The following COL26A1 variants were observed in gnomAD, a reference collection of about 807,000 sequenced individuals.
COL26A1 encodes the protein collagen alpha-1(XXVI) chain.
In COL26A1, 41 loss-of-function variants were observed where a neutral mutation model predicts 59.3. The observed-to-expected ratio is 0.69, with a 90% CI of 0.54 to 0.90. The LOEUF (loss-of-function observed/expected upper bound fraction) is 0.90, where lower values mean the gene tolerates loss of function less well. Ranked by LOEUF, COL26A1 falls within the 40% of genes least tolerant of loss-of-function variation. The probability of loss-of-function intolerance (pLI) is 0.00; values close to 1 mark genes in which losing one functional copy is unlikely to be tolerated. For synonymous variants in COL26A1, 266 were observed against 256.0 expected (o/e 1.04, Z -0.37); for missense variants, 612 against 602.3 (o/e 1.02, Z -0.17).
intron 2 of COL26A1, among the ~76,000 whole-genome samples, chr7:101,435,232 G>A (rs1792886941): frequency 6.6e-6 from 1 of 152,170 alleles, no homozygotes; most frequent in South Asian, 2.1e-4. Context: ...GACAGAAGAC[G>A]TGCTCAAACC....
intron 1 of COL26A1, among the ~76,000 whole-genome samples, chr7:101,391,549 G>A (rs1305658435): frequency 6.6e-6 from 1 of 152,044 alleles, no homozygotes; most frequent in East Asian, 1.9e-4. Flanking sequence ...CTCTGCATTT[G>A]GACCCTATTT....
intron 3 of COL26A1, among the ~76,000 whole-genome samples, chr7:101,463,325 A>G (rs7802156): frequency 0.31 from 46,823 of 152,078 alleles, 10,727 homozygotes; most frequent in African/African-American, 0.65. Context: ...AGATTCATCC[A>G]TGTAGCAAGG....
chr7:101,469,757 T>TG (rs1273232231), intron 3 of COL26A1, among the ~76,000 whole-genome samples: 1 of 152,122 alleles, frequency 6.6e-6, no homozygotes, highest in Non-Finnish European at 1.5e-5. Context: ...CCCAAAGTGA[T>TG]GGGATTACAG....
At chr7:101,513,169 G>C (rs1794961330) in intron 3 of COL26A1, among the ~76,000 whole-genome samples, 2 of 151,326 alleles carry the variant, frequency 1.3e-5, no homozygotes, top group South Asian at 4.2e-4. Context: ...ACCACACCCG[G>C]CTAATTTTTT....
intron 2 of COL26A1, among the ~76,000 whole-genome samples, chr7:101,438,136 C>T (rs62463419): frequency 0.18 from 27,085 of 151,070 alleles, 3,650 homozygotes; most frequent in Non-Finnish European, 0.25. Context: ...CCGAGGCGGG[C>T]GGATCACCTG....
intron 2 of COL26A1, among the ~76,000 whole-genome samples, chr7:101,445,850 G>C (rs1025247558): frequency 5.3e-5 from 8 of 151,138 alleles, no homozygotes; most frequent in Non-Finnish European, 8.8e-5. Context: ...GAGATCAAGA[G>C]CATCCTGGCC....
chr7:101,403,846 A>G (rs1792068855), intron 1 of COL26A1, among the ~76,000 whole-genome samples: 1 of 152,242 alleles, frequency 6.6e-6, no homozygotes, highest in South Asian at 2.1e-4. Flanking sequence ...CTGTAATCCC[A>G]GCACTTTGGG....
intron 1 of COL26A1, among the ~76,000 whole-genome samples, chr7:101,372,179 T>C (rs1387097089): frequency 1.3e-5 from 2 of 152,140 alleles, no homozygotes; most frequent in East Asian, 3.9e-4. Context: ...AGCATTTTGT[T>C]TTTTGAGACG....
At chr7:101,465,468 C>T (rs1395073340) in intron 3 of COL26A1, among the ~76,000 whole-genome samples, 5 of 152,020 alleles carry the variant, frequency 3.3e-5, no homozygotes, top group African/African-American at 1.2e-4. Flanking sequence ...AGGTGTGAGC[C>T]ACTGCGCCTG....
intron 1 of COL26A1, among the ~76,000 whole-genome samples, chr7:101,414,660 C>G (rs547151487): frequency 6.6e-6 from 1 of 152,284 alleles, no homozygotes; most frequent in South Asian, 2.1e-4. Context: ...TGATCTCAAA[C>G]TCCTGACCTC....
intron 1 of COL26A1, among the ~76,000 whole-genome samples, chr7:101,394,869 C>CTTTTTTT (rs61005447): frequency 3.8e-4 from 37 of 97,032 alleles, no homozygotes; most frequent in Admixed American, 6.8e-4. Flanking sequence ...TTTTTCTTTT[C>CTTTTTTT]TTTTTTTTTT....
chr7:101,380,905 T>C (rs10254516), intron 1 of COL26A1, among the ~76,000 whole-genome samples: 9,336 of 152,268 alleles, frequency 0.061, 656 homozygotes, highest in African/African-American at 0.16. Flanking sequence ...TTCCCAGAGA[T>C]GGCAAATTCT....
intron 9 of COL26A1, among the ~76,000 whole-genome samples, chr7:101,550,562 G>C (rs951719451): frequency 7.2e-5 from 11 of 152,242 alleles, no homozygotes; most frequent in African/African-American, 2.7e-4. Flanking sequence ...AGGGAAGGCT[G>C]TAGTTTCACT....
intron 1 of COL26A1, among the ~76,000 whole-genome samples, chr7:101,416,721 A>G (rs1406798166): frequency 7.0e-6 from 1 of 143,224 alleles, no homozygotes; most frequent in Non-Finnish European, 1.6e-5. Context: ...TTCTAAGATA[A>G]TGCATTTTTT....
chr7:101,487,345 G>T (rs1794290718), intron 3 of COL26A1, among the ~76,000 whole-genome samples: 1 of 152,126 alleles, frequency 6.6e-6, no homozygotes, highest in African/African-American at 2.4e-5. Flanking sequence ...GAGAGTCACT[G>T]TCTCTTGCTG....
chr7:101,442,657 G>A (rs941999702), intron 2 of COL26A1, among the ~76,000 whole-genome samples: 1 of 152,126 alleles, frequency 6.6e-6, no homozygotes, highest in Non-Finnish European at 1.5e-5. Context: ...TAGGAATCTG[G>A]GCAAGAGAAG....
intron 3 of COL26A1, among the ~76,000 whole-genome samples, chr7:101,508,637 G>A (rs936145150): frequency 1.4e-5 from 2 of 140,064 alleles, no homozygotes; most frequent in African/African-American, 5.2e-5. Flanking sequence ...AAGCATGCCC[G>A]GGCACAGAGA....
At chr7:101,535,298 C>T (rs1388549362) in intron 4 of COL26A1, among the ~76,000 whole-genome samples, 1 of 152,176 alleles carries the variant, frequency 6.6e-6, no homozygotes, top group Non-Finnish European at 1.5e-5. Context: ...AAGCTTCTGG[C>T]ACCTGAGATT....
At chr7:101,368,101 G>C (rs1791093148) in intron 1 of COL26A1, among the ~76,000 whole-genome samples, 1 of 152,040 alleles carries the variant, frequency 6.6e-6, no homozygotes, top group African/African-American at 2.4e-5. Context: ...ATGTTCATCT[G>C]TCCTCTTTAT....
Sources: allele counts gnomAD v4.1 joint callset (sites outside exome capture counted in the v4.1 genomes callset), GRCh38; gene constraint gnomAD v4.1.1; transcripts MANE v1.5; gene names NCBI Gene and HGNC (gene_info 2026-07-23, HGNC 2026-07-21).